KIAA1217: variants seen among roughly 807,000 people sequenced by gnomAD.
KIAA1217 encodes the protein KIAA1217.
A neutral mutation model predicts 163.9 loss-of-function variants in KIAA1217; 88 were observed. That is an observed-to-expected ratio of 0.54 (90% CI 0.45 to 0.64). The LOEUF is 0.64. KIAA1217 is among the 30% of genes least tolerant of loss of function. The pLI, the probability that KIAA1217 is intolerant of heterozygous loss-of-function variation, is 0.00. For missense variants in KIAA1217, 2,372 were observed against 2,475.0 expected (o/e 0.96, Z 0.88); for synonymous variants, 903 against 923.1 (o/e 0.98, Z 0.39).
intron 2 of KIAA1217, among the ~76,000 whole-genome samples, chr10:24,241,830 A>G (rs1369932962): frequency 1.3e-5 from 2 of 152,178 alleles, no homozygotes; most frequent in East Asian, 3.8e-4. Context: ...TTTTCTTAAC[A>G]ATTTTTCCAG....
chr10:23,853,384 A>G (rs544810831), intron 1 of KIAA1217, among the ~76,000 whole-genome samples: 13 of 152,278 alleles, frequency 8.5e-5, no homozygotes, highest in African/African-American at 3.1e-4. Flanking sequence ...ATGTTGGATA[A>G]GCTTTTTGAT....
intron 2 of KIAA1217, among the ~76,000 whole-genome samples, chr10:24,119,421 A>T (rs956443469): frequency 6.6e-6 from 1 of 152,288 alleles, no homozygotes; most frequent in South Asian, 2.1e-4. Flanking sequence ...TGAAATTGCC[A>T]TGAAATCATA....
At chr10:23,779,885 C>T (rs922046746) in intron 1 of KIAA1217, among the ~76,000 whole-genome samples, 1 of 152,160 alleles carries the variant, frequency 6.6e-6, no homozygotes, top group Non-Finnish European at 1.5e-5. Flanking sequence ...CAAATATTCA[C>T]CATTGTGTTA....
chr10:23,707,466 G>A (rs902690850), intron 1 of KIAA1217, among the ~76,000 whole-genome samples: 5 of 152,146 alleles, frequency 3.3e-5, no homozygotes, highest in Admixed American at 6.6e-5. Context: ...AGAACTGGGG[G>A]CCATTGCCTA....
At chr10:23,717,552 G>A (rs1167285596) in intron 1 of KIAA1217, among the ~76,000 whole-genome samples, 1 of 152,070 alleles carries the variant, frequency 6.6e-6, no homozygotes, top group African/African-American at 2.4e-5. Flanking sequence ...ATCCCCTAAG[G>A]TTGGAGTTCT....
intron 2 of KIAA1217, among the ~76,000 whole-genome samples, chr10:24,265,361 T>C (rs1425798309): frequency 5.9e-5 from 9 of 152,238 alleles, no homozygotes; most frequent in Admixed American, 5.9e-4. Context: ...GAGACTATTT[T>C]GACATCATTT....
chr10:24,225,047 G>A (rs570091555), intron 2 of KIAA1217, among the ~76,000 whole-genome samples: 30 of 151,956 alleles, frequency 2.0e-4, no homozygotes, highest in South Asian at 6.2e-4. Flanking sequence ...GGATGGTCTC[G>A]ATCTCCTGAC....
At chr10:24,337,867 A>G (rs1432716752) in intron 2 of KIAA1217, among the ~76,000 whole-genome samples, 3 of 149,094 alleles carry the variant, frequency 2.0e-5, no homozygotes, top group Non-Finnish European at 3.0e-5. Context: ...CAGGTCTTGA[A>G]CTCCTGACTG....
intron 1 of KIAA1217, among the ~76,000 whole-genome samples, chr10:23,800,013 G>C (rs1473366982): frequency 2.0e-5 from 3 of 152,048 alleles, no homozygotes; most frequent in African/African-American, 4.8e-5. Flanking sequence ...GAACAATTTT[G>C]TTTGCTTTGA....
rs575066088 is a variant in KIAA1217, at chr10:24,197,928, G to A, written c.-170-21698G>A. Among the ~76,000 whole-genome samples, 7 of 152,282 alleles carry A rather than the reference G, an allele frequency of 4.6e-5. No individual in the cohort carries two copies. In the East Asian group the frequency reaches 7.7e-4, roughly 17 times the overall value. On this transcript the variant is annotated intron_variant, in intron 2 of 18. Transcript: ENST00000376462. ...TCCTGGTGCGCGGAATGCATGGGAC[G>A]GATAGTTGTCCTGCCACATCCACCA...
At chr10:24,083,417 T>G (rs1262495553) in intron 2 of KIAA1217, among the ~76,000 whole-genome samples, 4 of 152,212 alleles carry the variant, frequency 2.6e-5, no homozygotes, top group African/African-American at 9.6e-5. Flanking sequence ...ATTTCATCTC[T>G]TGGTGAAGGT....
At chr10:23,912,563 T>C (rs1842481029) in intron 1 of KIAA1217, among the ~76,000 whole-genome samples, 1 of 152,136 alleles carries the variant, frequency 6.6e-6, no homozygotes, top group Admixed American at 6.5e-5. Flanking sequence ...AGCTCCCACT[T>C]ACAAGTAAGA....
chr10:24,539,908 T>C (rs890878971), intron 17 of KIAA1217, among the ~76,000 whole-genome samples: 2 of 152,244 alleles, frequency 1.3e-5, no homozygotes, highest in African/African-American at 2.4e-5. Context: ...TTTGGTTTAT[T>C]GTCCATATGC....
At position 23,884,244 on chromosome 10, in the gene KIAA1217, C is replaced by T. The variant is rs1841078105; in HGVS notation, c.-320-122981C>T. On this transcript the variant is annotated intron_variant, in intron 1 of 18. Coordinates refer to the KIAA1217 transcript ENST00000376462. ...TCTCCCCAACAATGAATGAGAGTTC[C>T]TATTGCTCCACATCCCCACCAGCAT... Among the ~76,000 whole-genome samples, 3 of 151,906 alleles carry T rather than the reference C, an allele frequency of 2.0e-5. No homozygotes were observed. The South Asian group carries it at 6.2e-4, about 31-fold the overall frequency.
chr10:23,811,173 A>T (rs1196234449), intron 1 of KIAA1217, among the ~76,000 whole-genome samples: 1 of 142,272 alleles, frequency 7.0e-6, no homozygotes, highest in Non-Finnish European at 1.5e-5. Context: ...TATACTATAC[A>T]TATATACTAT....
At chr10:24,146,357 A>G (rs914967013) in intron 2 of KIAA1217, among the ~76,000 whole-genome samples, 4 of 152,212 alleles carry the variant, frequency 2.6e-5, no homozygotes, top group African/African-American at 7.2e-5. Flanking sequence ...TATTTTTACT[A>G]TTTAATATCT....
chr10:23,971,307 C>T (rs528253840), intron 1 of KIAA1217, among the ~76,000 whole-genome samples: 12 of 152,334 alleles, frequency 7.9e-5, no homozygotes, highest in African/African-American at 2.6e-4. Context: ...TGAGCCCACT[C>T]GCCCAATTCC....
intron 2 of KIAA1217, among the ~76,000 whole-genome samples, chr10:24,142,564 C>T (rs1025018716): frequency 9.2e-5 from 14 of 151,928 alleles, no homozygotes; most frequent in African/African-American, 3.1e-4. Context: ...CGCAATACAT[C>T]CATGTAACAA....
chr10:24,524,820 T>G, intron 13 of KIAA1217, 56 bp downstream of exon 13: 3 of 1,415,058 alleles, frequency 2.1e-6, no homozygotes, highest in Non-Finnish European at 2.9e-6. Flanking sequence ...TACATGGACC[T>G]TTCCCTTAAA....
Sources: allele counts gnomAD v4.1 joint callset (sites outside exome capture counted in the v4.1 genomes callset), GRCh38; gene constraint gnomAD v4.1.1; transcripts MANE v1.5; gene names NCBI Gene and HGNC (gene_info 2026-07-23, HGNC 2026-07-21).